WDPCP: variants seen among roughly 807,000 people sequenced by gnomAD.
WDPCP encodes WD repeat-containing and planar cell polarity effector protein fritz homolog.
WDPCP carries 71 observed loss-of-function variants against 93.1 expected under a neutral mutation model. The observed-to-expected ratio is 0.76, with a 90% CI of 0.63 to 0.93. WDPCP has a LOEUF of 0.93. Ranked by LOEUF, WDPCP falls within the 40% of genes least tolerant of loss-of-function variation. WDPCP has a pLI of 0.00. For synonymous variants in WDPCP, 315 were observed against 315.0 expected (o/e 1.00, Z 0.00); for missense variants, 844 against 887.4 (o/e 0.95, Z 0.62).
At chr2:63,516,308 T>A (rs1460877671) in intron 1 of WDPCP, among the ~76,000 whole-genome samples, 1 of 152,204 alleles carries the variant, frequency 6.6e-6, no homozygotes, top group Non-Finnish European at 1.5e-5. Flanking sequence ...TTCTTTATGC[T>A]GAGAACATTC....
At chr2:63,266,793 G>A (rs1418931373) in intron 13 of WDPCP, among the ~76,000 whole-genome samples, 1 of 152,082 alleles carries the variant, frequency 6.6e-6, no homozygotes, top group African/African-American at 2.4e-5. Flanking sequence ...GCAACAGAGT[G>A]AGACTCTGTC....
At chr2:63,344,142 A>C (rs1304523127) in intron 12 of WDPCP, among the ~76,000 whole-genome samples, 1 of 151,992 alleles carries the variant, frequency 6.6e-6, no homozygotes, top group Non-Finnish European at 1.5e-5. Context: ...AAATCAGATT[A>C]TTTCCCTCTC....
chr2:63,700,999 C>A (rs1669040270), intron 2 of WDPCP, among the ~76,000 whole-genome samples: 1 of 152,026 alleles, frequency 6.6e-6, no homozygotes, highest in Non-Finnish European at 1.5e-5. Context: ...TCACAGGCAA[C>A]CAAAACAAAA....
At chr2:63,549,157 G>A (rs1219860087) in intron 1 of WDPCP, among the ~76,000 whole-genome samples, 1 of 150,330 alleles carries the variant, frequency 6.7e-6, no homozygotes, top group Non-Finnish European at 1.5e-5. Context: ...GCTGAGGCAG[G>A]GAGAATCACT....
At chr2:63,127,684 TATATATATATAC>T (rs1670012582) in intron 17 of WDPCP, among the ~76,000 whole-genome samples, 1 of 147,518 alleles carries the variant, frequency 6.8e-6, no homozygotes, top group African/African-American at 2.5e-5. Context: ...TATATATATA[TATATATATATAC>T]GCACACACAC....
chr2:63,456,407 T>C (rs567904280), intron 6 of WDPCP, among the ~76,000 whole-genome samples: 1 of 150,752 alleles, frequency 6.6e-6, no homozygotes, highest in South Asian at 2.1e-4. Flanking sequence ...ACAGAGTGAG[T>C]GAGATTCTGT....
chr2:63,402,428 C>A (rs749568333), intron 10 of WDPCP, among the ~76,000 whole-genome samples: 4 of 152,026 alleles, frequency 2.6e-5, no homozygotes, highest in Non-Finnish European at 4.4e-5. Flanking sequence ...CACATGTATA[C>A]CTACGTAACA....
chr2:63,676,289 A>G (rs1316596328), intron 2 of WDPCP, among the ~76,000 whole-genome samples: 2 of 152,234 alleles, frequency 1.3e-5, no homozygotes, highest in East Asian at 3.9e-4. Flanking sequence ...AGTGAAAGGT[A>G]TCTAAGTGCA....
chr2:63,833,715 G>A, the WDPCP span, among the ~76,000 whole-genome samples: 1 of 152,092 alleles, frequency 6.6e-6, no homozygotes, highest in Non-Finnish European at 1.5e-5. Context: ...TGGGTTCACT[G>A]GGTTGAGAAA....
intron 13 of WDPCP, among the ~76,000 whole-genome samples, chr2:63,300,738 CTT>C (rs1685266958): frequency 6.6e-6 from 1 of 152,218 alleles, no homozygotes; most frequent in African/African-American, 2.4e-5. Context: ...GGGAAGATGT[CTT>C]TGTGATTTTC....
At chr2:63,698,364 C>G (rs1198711254) in intron 2 of WDPCP, among the ~76,000 whole-genome samples, 1 of 152,180 alleles carries the variant, frequency 6.6e-6, no homozygotes, top group East Asian at 1.9e-4. Context: ...TTTCAAAGGA[C>G]ATTCCCAGAT....
rs12622642 is a variant in WDPCP, at chr2:63,664,096, C to G, written n.309-13258G>C. 6.8e-4 allele frequency among the ~76,000 whole-genome samples: 104 copies of G among 152,258 alleles called. No individual in the cohort carries two copies. The East Asian group carries it at 0.015, about 22-fold the overall frequency. ...GTCTCAATATCATTTTTAGAACATG[C>G]AGATAGAGAGGCTCAGATGGAATTC... is the stretch of plus-strand genomic sequence containing the variant. On this transcript the variant is annotated intron_variant and non_coding_transcript_variant, in intron 2 of 4. Transcript: ENST00000467687.
intron 6 of WDPCP, among the ~76,000 whole-genome samples, chr2:63,483,662 G>T (rs950541942): frequency 2.0e-5 from 3 of 151,740 alleles, no homozygotes; most frequent in African/African-American, 7.3e-5. Context: ...CTACAAACAA[G>T]AATGATTACA....
At chr2:63,564,482 T>C (rs1706871852) in intron 1 of WDPCP, 1 of 152,180 alleles carries the variant, frequency 6.6e-6, no homozygotes, top group Non-Finnish European at 1.5e-5. Context: ...GAAGTTTTCA[T>C]CCAGTTGTTA....
intron 14 of WDPCP, among the ~76,000 whole-genome samples, chr2:63,203,638 C>T (rs990095581): frequency 1.3e-5 from 2 of 152,090 alleles, no homozygotes; most frequent in South Asian, 2.1e-4. Flanking sequence ...CTCACTTCCC[C>T]GCTACCTCCA....
chr2:63,678,233 T>A (rs1032620092), intron 2 of WDPCP, among the ~76,000 whole-genome samples: 21 of 152,138 alleles, frequency 1.4e-4, no homozygotes, highest in Non-Finnish European at 1.5e-5. Context: ...TGGCTGTACA[T>A]CCAGGCATCA....
rs961097158 is a variant in WDPCP at position 63,588,287 on chromosome 2, C to T, written c.-16G>A. 1.3e-6 allele frequency: 2 copies of T among 1,568,068 alleles called. No homozygotes were observed. Among genetic ancestry groups the T allele is most frequent in the East Asian group, 4.8e-5 (2 of 41,916 alleles). ...CTCGCCTCATCACCAGACACTACCC[C>T]GGGCAGAAGGTTCCTAGGCTAGGTC... On this transcript the variant is annotated 5_prime_UTR_variant, in exon 1 of 18. Transcript: ENST00000272321.
Position 63,266,699 on chromosome 2 carries a change from A to G in WDPCP, c.1813-7290T>C, listed in dbSNP as rs540878439. On this transcript the variant is annotated intron_variant, in intron 13 of 17. Coordinates refer to ENST00000272321, the MANE Select transcript of WDPCP (RefSeq NM_015910.7). The stretch of plus-strand genomic sequence containing the variant: ...CAGGCGCCTGTAATCCCAGCTACTC[A>G]GGAGGCTGAGGCAGGAGAATCATTT... 3.9e-5 allele frequency among the ~76,000 whole-genome samples: 6 copies of G among 152,148 alleles called. No individual in the cohort carries two copies. The South Asian group carries it at 1.0e-3, about 26-fold the overall frequency.
At chr2:63,271,356 GCACTGTC>G (rs760687746) in intron 13 of WDPCP, among the ~76,000 whole-genome samples, 18 of 152,354 alleles carry the variant, frequency 1.2e-4, no homozygotes, top group Non-Finnish European at 2.4e-4. Flanking sequence ...CTGCATGAGT[GCACTGTC>G]CAGGGCCCTG....
Sources: allele counts gnomAD v4.1 joint callset (sites outside exome capture counted in the v4.1 genomes callset), GRCh38; gene constraint gnomAD v4.1.1; transcripts MANE v1.5; gene names NCBI Gene and HGNC (gene_info 2026-07-23, HGNC 2026-07-21).